Variants in PSD3 observed in about 807,000 individuals in gnomAD.
The protein encoded by PSD3 is PH and SEC7 domain-containing protein 3.
A neutral mutation model predicts 105.5 loss-of-function variants in PSD3; 49 were observed. The observed-to-expected ratio is 0.46, with a 90% confidence interval of 0.37 to 0.59. The LOEUF is 0.59. PSD3 is among the 20% of genes least tolerant of loss of function. PSD3 has a pLI of 0.00. For synonymous variants in PSD3, 557 were observed against 457.8 expected, an observed-to-expected ratio of 1.22 and a Z score of -2.77; for missense variants, 1,561 against 1,263.8, an observed-to-expected ratio of 1.24 and a Z score of -3.57.
At chr8:18,990,148 C>T (rs1204201143) in intron 1 of PSD3, among the ~76,000 whole-genome samples, 1 of 152,226 alleles carries the variant, frequency 6.6e-6, no homozygotes, top group Non-Finnish European at 1.5e-5. Flanking sequence ...TGATTAATCC[C>T]TCTGCTTCCT....
At chr8:19,007,256 A>AAAAAT (rs556014096) in intron 1 of PSD3, among the ~76,000 whole-genome samples, 3,378 of 149,786 alleles carry the variant, frequency 0.023, 138 homozygotes, top group African/African-American at 0.079. Context: ...TGTCTCAAAA[A>AAAAAT]AAATAAATAG....
rs146985992 is a variant in PSD3, at chr8:18,566,897, T to A, written c.2784+5631A>T. 9.2e-5 allele frequency among the ~76,000 whole-genome samples: 14 copies of A among 152,288 alleles called. No homozygotes were observed. In the East Asian group the frequency reaches 2.3e-3, roughly 25 times the overall value. ...GTAAGTCATCTGTTAGAAATAAGAG[T>A]GCCTACCATGATAAATGTGTGTGCT... On this transcript the variant is annotated intron_variant, in intron 14 of 15. Coordinates refer to ENST00000327040, the MANE Select transcript of PSD3 (RefSeq NM_015310.4).
At chr8:18,930,368 T>G (rs1252903486) in intron 2 of PSD3, among the ~76,000 whole-genome samples, 1 of 152,150 alleles carries the variant, frequency 6.6e-6, no homozygotes, top group Non-Finnish European at 1.5e-5. Flanking sequence ...AGTCTACCAC[T>G]TGTGTTATTC....
At chr8:18,568,180 C>T (rs1209156781) in intron 14 of PSD3, among the ~76,000 whole-genome samples, 1 of 152,044 alleles carries the variant, frequency 6.6e-6, no homozygotes, top group African/African-American at 2.4e-5. Flanking sequence ...TCTAAATGAC[C>T]CAGGCTCTAG....
intron 8 of PSD3, among the ~76,000 whole-genome samples, chr8:18,797,825 A>G (rs771629007): frequency 1.3e-5 from 2 of 152,174 alleles, no homozygotes; most frequent in East Asian, 3.9e-4. Context: ...ACAGATGCTA[A>G]ACGTACAACT....
intron 14 of PSD3, among the ~76,000 whole-genome samples, chr8:18,560,499 G>T (rs1350505173): frequency 6.6e-6 from 1 of 152,044 alleles, no homozygotes; most frequent in Non-Finnish European, 1.5e-5. Context: ...AAGGCATGGA[G>T]ATAGAAAATA....
At chr8:18,949,244 A>AAAAATATATATATAT (rs1345423514) in intron 1 of PSD3, among the ~76,000 whole-genome samples, 9 of 14,408 alleles carry the variant, frequency 6.2e-4, no homozygotes, top group Admixed American at 1.6e-3. Flanking sequence ...AAAAAAAAAA[A>AAAAATATATATATAT]ATATATATAT....
At chr8:19,012,065 T>C (rs1563508537) in intron 1 of PSD3, among the ~76,000 whole-genome samples, 1 of 152,198 alleles carries the variant, frequency 6.6e-6, no homozygotes, top group Non-Finnish European at 1.5e-5. Context: ...AGAAGTTAAA[T>C]AATTTGCCCA....
At chr8:19,058,664 T>C (rs1828789157) in intron 1 of PSD3, among the ~76,000 whole-genome samples, 1 of 152,138 alleles carries the variant, frequency 6.6e-6, no homozygotes, top group African/African-American at 2.4e-5. Flanking sequence ...TTTCCCTAAA[T>C]TGGGTGATTA....
chr8:18,714,324 T>C (rs755303471), intron 9 of PSD3, among the ~76,000 whole-genome samples: 2 of 151,238 alleles, frequency 1.3e-5, no homozygotes, highest in Non-Finnish European at 2.9e-5. Context: ...AAAGAAACTA[T>C]CATCACAGCA....
intron 9 of PSD3, among the ~76,000 whole-genome samples, chr8:18,706,259 T>C (rs932876566): frequency 5.3e-5 from 8 of 152,240 alleles, no homozygotes; most frequent in Non-Finnish European, 1.2e-4. Flanking sequence ...TTTAGGGTTC[T>C]TTGTTACTCA....
intron 2 of PSD3, among the ~76,000 whole-genome samples, chr8:18,893,010 A>C (rs1039284785): frequency 6.6e-6 from 1 of 152,214 alleles, no homozygotes; most frequent in Non-Finnish European, 1.5e-5. Flanking sequence ...AATGAAATAA[A>C]TGTCCAAGAA....
intron 1 of PSD3, among the ~76,000 whole-genome samples, chr8:19,044,666 A>C (rs1026832634): frequency 6.6e-6 from 1 of 152,198 alleles, no homozygotes; most frequent in Non-Finnish European, 1.5e-5. Context: ...TTTGCTGTCT[A>C]ATGAGAACAA....
At chr8:18,565,371 A>T (rs981634706) in intron 14 of PSD3, among the ~76,000 whole-genome samples, 21 of 152,176 alleles carry the variant, frequency 1.4e-4, no homozygotes, top group African/African-American at 4.6e-4. Context: ...ATAGAAGAAA[A>T]ATGTGCTCTG....
chr8:18,871,697 C>T lies in PSD3; in HGVS notation c.1167G>A (p.Glu389=), dbSNP rs148176505. ...TGTTTTCCTGTAGGAAGACTTCATC[C>T]TCTCCACTCTCATCAAGACGCACAG... ...FSPVRLDESG[E]DEVFLQENKQ... Residue 389 remains glutamate (E), a synonymous_variant, in exon 3 of 16, where the codon GAG becomes GAA. Coordinates refer to ENST00000327040, the MANE Select transcript of PSD3 (RefSeq NM_015310.4). 3.7e-4 allele frequency: 598 copies of T among 1,614,088 alleles called. No individual in the cohort carries two copies. Among genetic ancestry groups the T allele is most frequent in the Middle Eastern group, 3.3e-3 (20 of 6,062 alleles).
At chr8:18,898,175 G>C (rs1819275918) in intron 2 of PSD3, among the ~76,000 whole-genome samples, 1 of 152,130 alleles carries the variant, frequency 6.6e-6, no homozygotes, top group African/African-American at 2.4e-5. Flanking sequence ...TTTCTGTATA[G>C]ATGATCTATC....
intron 1 of PSD3, among the ~76,000 whole-genome samples, chr8:18,947,401 G>A (rs1010895816): frequency 6.6e-6 from 1 of 152,156 alleles, no homozygotes; most frequent in African/African-American, 2.4e-5. Context: ...CTGAATTCAT[G>A]GCCTTGTTAA....
chr8:19,053,196 T>A (rs537994904), intron 1 of PSD3, among the ~76,000 whole-genome samples: 1 of 152,034 alleles, frequency 6.6e-6, no homozygotes, highest in Admixed American at 6.5e-5. Flanking sequence ...TGAAAGTGGG[T>A]CTATGGCGCA....
intron 3 of PSD3, among the ~76,000 whole-genome samples, chr8:18,868,703 T>C (rs1477493401): frequency 6.6e-6 from 1 of 152,216 alleles, no homozygotes; most frequent in Non-Finnish European, 1.5e-5. Flanking sequence ...AAAGTCAACA[T>C]ACAGGGTAGG....
Sources: gnomAD v4.1 joint callset for allele counts (sites outside exome capture counted in the v4.1 genomes callset) on GRCh38, gnomAD v4.1.1 for gene constraint, MANE v1.5 for transcripts, NCBI Gene and HGNC (gene_info 2026-07-23, HGNC 2026-07-21) for gene names.